The following FAF1 variants were observed in gnomAD, a reference collection of about 807,000 sequenced individuals.
FAF1 encodes Fas associated factor 1.
In FAF1, 25 loss-of-function variants were observed where a neutral mutation model predicts 92.5. That is an observed-to-expected ratio of 0.27 (90% CI 0.20 to 0.38). The LOEUF (loss-of-function observed/expected upper bound fraction) is 0.38. Ranked by LOEUF, FAF1 falls within the 10% of genes least tolerant of loss-of-function variation. The pLI is 1.00. For missense variants in FAF1, 636 were observed against 793.3 expected, an observed-to-expected ratio of 0.80 and a Z score of 2.38; for synonymous variants, 234 against 273.2, an observed-to-expected ratio of 0.86 and a Z score of 1.42.
In FAF1 at chr1:50,575,517, G is replaced by A. The variant is rs1347240310; in HGVS notation, c.1113+7101C>T. ...ATAAATAGTGGTTATTTTCAGGTTT[G>A]GAATTATGTGGTGTCATTTTCTACT... On this transcript the variant is annotated intron_variant, in intron 12 of 18. Transcript: ENST00000396153. 2.0e-5 allele frequency among the ~76,000 whole-genome samples: 3 copies of A among 152,016 alleles called. No individual in the cohort carries two copies. The East Asian group carries it at 5.8e-4, about 29-fold the overall frequency.
At chr1:50,512,072 C>T (rs1377194170) in intron 15 of FAF1, among the ~76,000 whole-genome samples, 5 of 152,176 alleles carry the variant, frequency 3.3e-5, no homozygotes, top group African/African-American at 1.2e-4. Flanking sequence ...TATCCCTCAC[C>T]TACTTTTTGA....
intron 7 of FAF1, among the ~76,000 whole-genome samples, chr1:50,683,864 G>A (rs932587739): frequency 2.4e-4 from 37 of 151,704 alleles, no homozygotes; most frequent in African/African-American, 8.2e-4. Context: ...CCTAGGAGGC[G>A]GAGGTTGTGG....
intron 13 of FAF1, among the ~76,000 whole-genome samples, chr1:50,554,390 T>TATATATATATATATAGAGAGAGAG: frequency 4.3e-5 from 4 of 93,700 alleles, no homozygotes; most frequent in African/African-American, 9.5e-5. Flanking sequence ...TATATATATA[T>TATATATATATATATAGAGAGAGAG]AGAGAGAGAG....
At chr1:50,631,503 G>A (rs1354817876) in intron 8 of FAF1, among the ~76,000 whole-genome samples, 2 of 151,972 alleles carry the variant, frequency 1.3e-5, no homozygotes, top group South Asian at 2.1e-4. Context: ...CTTAATAATG[G>A]CCCCAAAGCT....
At chr1:50,584,910 A>G (rs911941154) in intron 9 of FAF1, 99 bp from the exon 10 acceptor site, 27 of 1,118,082 alleles carry the variant, frequency 2.4e-5, no homozygotes, top group Admixed American at 2.0e-4. Context: ...GCGTTATAAA[A>G]TTTTTATCAA....
chr1:50,860,576 A>T (rs1251112806), intron 1 of FAF1, among the ~76,000 whole-genome samples: 1 of 151,950 alleles, frequency 6.6e-6, no homozygotes, highest in East Asian at 1.9e-4. Flanking sequence ...CAAAGTGACT[A>T]TTATTAAAAT....
intron 12 of FAF1, among the ~76,000 whole-genome samples, chr1:50,569,238 T>C (rs954699667): frequency 6.6e-6 from 1 of 152,164 alleles, no homozygotes; most frequent in African/African-American, 2.4e-5. Flanking sequence ...CCTGGGCCTC[T>C]ATCTCCTTCC....
chr1:50,555,295 C>A (rs11205734), intron 13 of FAF1, among the ~76,000 whole-genome samples: 49,952 of 129,558 alleles, frequency 0.39, 8,634 homozygotes, highest in African/African-American at 0.55. Context: ...ACACACACAC[C>A]CCCCAAAATA....
chr1:50,582,699 T>C lies in FAF1; in HGVS notation c.1032A>G (p.Arg344=). 1 of 1,593,660 alleles carries C rather than the reference T, an allele frequency of 6.3e-7. No individual in the cohort carries two copies. Among genetic ancestry groups the C allele is most frequent in the Non-Finnish European group, 8.6e-7 (1 of 1,161,700 alleles). Residue 344 remains arginine, a splice_region_variant and synonymous_variant, in exon 12 of 19, where the codon AGA becomes AGG. Transcript: ENST00000396153. Reference sequence around the variant, plus strand: ...AAAATACAGGATGGCAATCACCATATCTATAGGAAAAAGTGAGTCTATTAA... The same window carrying C: ...AAAATACAGGATGGCAATCACCATACCTATAGGAAAAAGTGAGTCTATTAA... ...LLQFTAEFSS[R]YGDCHPVFFI...
intron 1 of FAF1, among the ~76,000 whole-genome samples, chr1:50,933,322 C>T (rs1645062861): frequency 6.6e-6 from 1 of 152,168 alleles, no homozygotes; most frequent in African/African-American, 2.4e-5. Flanking sequence ...TGCCTTGCTG[C>T]TTAGAAGTGT....
chr1:50,516,833 AGATTTTC>A (rs1346117188), intron 15 of FAF1, among the ~76,000 whole-genome samples: 1 of 152,212 alleles, frequency 6.6e-6, no homozygotes, highest in Non-Finnish European at 1.5e-5. Context: ...TCCAGATAAG[AGATTTTC>A]ACAAACACTT....
chr1:50,631,670 T>C (rs1653795894), intron 8 of FAF1, among the ~76,000 whole-genome samples: 1 of 152,208 alleles, frequency 6.6e-6, no homozygotes, highest in South Asian at 2.1e-4. Context: ...TAAGTGAAAT[T>C]GCATTTGAAG....
At chr1:50,766,791 C>CA (rs765570305) in intron 4 of FAF1, among the ~76,000 whole-genome samples, 28,155 of 61,702 alleles carry the variant, frequency 0.46, 5,691 homozygotes, top group Middle Eastern at 0.56. Flanking sequence ...AGCAAGCAAG[C>CA]AAAAAAAAAA....
chr1:50,752,720 TCACC>T lies in FAF1; in HGVS notation c.368-7949_368-7946del, dbSNP rs1336361166. Among the ~76,000 whole-genome samples the T allele has an allele frequency of 2.0e-5, 3 of 152,176 alleles. No homozygotes were observed. The East Asian group carries it at 5.8e-4, about 29-fold the overall frequency. On this transcript the variant is annotated intron_variant, in intron 4 of 18. Coordinates refer to ENST00000396153, the MANE Select transcript of FAF1 (RefSeq NM_007051.3). The stretch of plus-strand genomic sequence containing the variant: ...GTTTTTTTGAGACAGTCTCATTTTG[TCACC>T]CAGGCTGGAGTGCAGTGGGGTGATC...
chr1:50,727,189 G>A (rs913926275), intron 6 of FAF1, among the ~76,000 whole-genome samples: 24 of 152,088 alleles, frequency 1.6e-4, no homozygotes, highest in African/African-American at 5.8e-4. Context: ...TCACTATCAT[G>A]TCACCATATT....
chr1:50,676,608 G>A (rs563729302), intron 7 of FAF1, among the ~76,000 whole-genome samples: 50 of 152,206 alleles, frequency 3.3e-4, no homozygotes, highest in Admixed American at 1.1e-3. Context: ...ACCACCTAAG[G>A]TCAGGAGTTC....
intron 18 of FAF1, among the ~76,000 whole-genome samples, chr1:50,456,412 T>C (rs941647761): frequency 4.0e-5 from 6 of 151,864 alleles, no homozygotes; most frequent in Non-Finnish European, 8.8e-5. Context: ...AACTTGGGAG[T>C]GTTACTTCCA....
chr1:50,931,202 C>T (rs1213663142), intron 1 of FAF1, among the ~76,000 whole-genome samples: 3 of 152,134 alleles, frequency 2.0e-5, no homozygotes, highest in Non-Finnish European at 4.4e-5. Context: ...AGTTTACTAT[C>T]TTGGTTCTCA....
At chr1:50,634,933 G>C (rs1173410139) in intron 8 of FAF1, among the ~76,000 whole-genome samples, 1 of 152,100 alleles carries the variant, frequency 6.6e-6, no homozygotes, top group African/African-American at 2.4e-5. Flanking sequence ...ATAACAGATA[G>C]TAACTATATT....
Sources: gnomAD v4.1 joint callset for allele counts (sites outside exome capture counted in the v4.1 genomes callset) on GRCh38, gnomAD v4.1.1 for gene constraint, MANE v1.5 for transcripts, NCBI Gene and HGNC (gene_info 2026-07-23, HGNC 2026-07-21) for gene names.